ANGPT1: variants seen among roughly 807,000 people sequenced by gnomAD.
ANGPT1 encodes angiopoietin 1.
In ANGPT1, 17 loss-of-function variants were observed where a neutral mutation model predicts 62.2. The observed-to-expected ratio is 0.27, with a 90% CI of 0.19 to 0.41. The LOEUF is 0.41. Among genes scored for constraint, ANGPT1 ranks in the 10% least tolerant of loss-of-function variants. ANGPT1 has a pLI of 1.00. For synonymous variants in ANGPT1, 199 were observed against 198.9 expected, an observed-to-expected ratio of 1.00 and a Z score of 0.00; for missense variants, 478 against 594.9, an observed-to-expected ratio of 0.80 and a Z score of 2.04.
intron 7 of ANGPT1, among the ~76,000 whole-genome samples, chr8:107,279,309 A>T (rs1290083594): frequency 6.6e-6 from 1 of 152,234 alleles, no homozygotes; most frequent in Non-Finnish European, 1.5e-5. Context: ...GTGCTTTACA[A>T]ATACTTTAAC....
intron 1 of ANGPT1, among the ~76,000 whole-genome samples, chr8:107,362,710 A>C (rs1016987310): frequency 2.0e-5 from 3 of 152,216 alleles, no homozygotes; most frequent in Non-Finnish European, 4.4e-5. Context: ...TTATATTAAA[A>C]AGTCTAATGA....
At chr8:107,438,085 C>T (rs72674318) in intron 1 of ANGPT1, among the ~76,000 whole-genome samples, 17,580 of 152,146 alleles carry the variant, frequency 0.12, 1,235 homozygotes, top group Non-Finnish European at 0.16. Flanking sequence ...AACACCTTAA[C>T]CCTCCACAAT....
chr8:107,457,594 T>C (rs1389905354), intron 1 of ANGPT1, among the ~76,000 whole-genome samples: 1 of 152,102 alleles, frequency 6.6e-6, no homozygotes, highest in East Asian at 1.9e-4. Context: ...ACTTTTCTTT[T>C]CTGAAGGGAA....
intron 1 of ANGPT1, among the ~76,000 whole-genome samples, chr8:107,424,677 G>A (rs775298991): frequency 6.6e-5 from 10 of 152,106 alleles, no homozygotes; most frequent in Non-Finnish European, 1.3e-4. Flanking sequence ...CAGCCACCCA[G>A]TAAAATAATA....
intron 7 of ANGPT1, among the ~76,000 whole-genome samples, chr8:107,269,328 T>C (rs1411031092): frequency 6.6e-6 from 1 of 151,984 alleles, no homozygotes; most frequent in Non-Finnish European, 1.5e-5. Context: ...AAAAAAAACT[T>C]CTTTGAGTTG....
intron 1 of ANGPT1, among the ~76,000 whole-genome samples, chr8:107,423,814 T>C (rs1810960206): frequency 6.7e-6 from 1 of 148,594 alleles, no homozygotes; most frequent in African/African-American, 2.5e-5. Context: ...CAGGTACCTT[T>C]TCCTTTTCCT....
chr8:107,462,398 C>CA (rs1238185117), intron 1 of ANGPT1, among the ~76,000 whole-genome samples: 1,607 of 124,762 alleles, frequency 0.013, 21 homozygotes, highest in African/African-American at 0.032. Context: ...TTCAGCCATG[C>CA]AAAAAAAAAA....
chr8:107,369,703 G>A (rs1586263041), intron 1 of ANGPT1, among the ~76,000 whole-genome samples: 2 of 152,212 alleles, frequency 1.3e-5, no homozygotes, highest in South Asian at 4.1e-4. Context: ...TTGAGAATAG[G>A]GAGGCCCATT....
chr8:107,381,572 C>T (rs2514864), intron 1 of ANGPT1, among the ~76,000 whole-genome samples: 67,644 of 151,630 alleles, frequency 0.45, 17,886 homozygotes, highest in African/African-American at 0.73. Flanking sequence ...CATGAAGACT[C>T]CTGAATTCCA....
intron 5 of ANGPT1, among the ~76,000 whole-genome samples, chr8:107,302,751 T>C (rs1814623368): frequency 6.6e-6 from 1 of 151,956 alleles, no homozygotes; most frequent in Non-Finnish European, 1.5e-5. Flanking sequence ...TATGTAAATA[T>C]GGAAAGCAAA....
At chr8:107,467,463 A>G (rs373671046) in intron 1 of ANGPT1, among the ~76,000 whole-genome samples, 138 of 152,138 alleles carry the variant, frequency 9.1e-4, no homozygotes, top group African/African-American at 3.2e-3. Context: ...AACAAAACAA[A>G]AGAGTATGGA....
At chr8:107,413,444 T>C (rs1810645370) in intron 1 of ANGPT1, among the ~76,000 whole-genome samples, 1 of 152,030 alleles carries the variant, frequency 6.6e-6, no homozygotes. Context: ...CTGTTGGGAC[T>C]GTAGTGAAGT....
chr8:107,309,936 T>C (rs1814810020), intron 4 of ANGPT1, among the ~76,000 whole-genome samples: 1 of 152,166 alleles, frequency 6.6e-6, no homozygotes, highest in South Asian at 2.1e-4. Context: ...AAGTGTACTT[T>C]TTTATTTAAA....
rs200483330 is a variant in ANGPT1, at chr8:107,281,260, TA to T, written c.1205+3421del. 4.9e-3 allele frequency among the ~76,000 whole-genome samples: 743 copies of T among 152,274 alleles called. 9 individuals carry two copies. The highest frequency in any genetic ancestry group is 0.015 in the African/African-American group (608 of 41,564). ...GTTTAAACATTAGGACCACACCTGT[TA>T]CAAGAATTTTCAAACAAAATTTCCA... is the stretch of plus-strand genomic sequence containing the variant. On this transcript the variant is annotated intron_variant, in intron 7 of 8. Transcript: ENST00000517746.
intron 7 of ANGPT1, among the ~76,000 whole-genome samples, chr8:107,283,379 G>A (rs929047533): frequency 2.0e-5 from 3 of 151,950 alleles, no homozygotes; most frequent in African/African-American, 4.8e-5. Context: ...AACTCTTTTA[G>A]ATCTATTTCT....
At chr8:107,339,346 C>T (rs887396129) in intron 2 of ANGPT1, among the ~76,000 whole-genome samples, 1 of 152,114 alleles carries the variant, frequency 6.6e-6, no homozygotes, top group Non-Finnish European at 1.5e-5. Context: ...TGATCAGAAC[C>T]CTGTTCACTT....
intron 1 of ANGPT1, among the ~76,000 whole-genome samples, chr8:107,439,608 A>G (rs1811420293): frequency 6.6e-6 from 1 of 152,222 alleles, no homozygotes; most frequent in South Asian, 2.1e-4. Flanking sequence ...TCCTGTTCTA[A>G]TATGAGACAG....
chr8:107,359,823 A>G (rs1003876365), intron 1 of ANGPT1, among the ~76,000 whole-genome samples: 3 of 152,218 alleles, frequency 2.0e-5, no homozygotes, highest in Non-Finnish European at 4.4e-5. Flanking sequence ...TGACGGGAAT[A>G]CAGGTGAATT....
chr8:107,357,570 T>C (rs1016172987), intron 1 of ANGPT1, among the ~76,000 whole-genome samples: 1 of 152,280 alleles, frequency 6.6e-6, no homozygotes, highest in East Asian at 1.9e-4. Flanking sequence ...CTCCACCAGA[T>C]AATTCTTCTA....
Sources: allele counts gnomAD v4.1 joint callset (sites outside exome capture counted in the v4.1 genomes callset), GRCh38; gene constraint gnomAD v4.1.1; transcripts MANE v1.5; gene names NCBI Gene and HGNC (gene_info 2026-07-23, HGNC 2026-07-21).